PDE10A: variants seen among roughly 807,000 people sequenced by gnomAD.
PDE10A encodes cAMP and cAMP-inhibited cGMP 3',5'-cyclic phosphodiesterase 10A.
Under a neutral mutation model 97.7 loss-of-function variants are expected in PDE10A, and 39 were observed. That is an observed-to-expected ratio of 0.40 (90% confidence interval 0.31 to 0.52). PDE10A has a LOEUF of 0.52. PDE10A is among the 20% of genes least tolerant of loss of function. The pLI is 0.56. For missense variants in PDE10A, 731 were observed against 1,047.8 expected (o/e 0.70, Z 4.17); for synonymous variants, 371 against 376.8 (o/e 0.98, Z 0.18).
chr6:165,714,692 T>C (rs1791983088), intron 1 of PDE10A, among the ~76,000 whole-genome samples: 1 of 152,046 alleles, frequency 6.6e-6, no homozygotes, highest in Non-Finnish European at 1.5e-5. Context: ...AGGAACCAAA[T>C]TGCAAAGAAG....
intron 6 of PDE10A, among the ~76,000 whole-genome samples, chr6:165,434,038 AG>A (rs1350427953): frequency 0.12 from 15,178 of 127,568 alleles, 1,578 homozygotes; most frequent in Non-Finnish European, 0.15. Context: ...AAAAAAAAAA[AG>A]AAGTAGTACA....
At chr6:165,381,168 A>G (rs1473116235) in intron 17 of PDE10A, among the ~76,000 whole-genome samples, 2 of 152,226 alleles carry the variant, frequency 1.3e-5, no homozygotes, top group Admixed American at 1.3e-4. Flanking sequence ...TAGGCTCTGT[A>G]AATTCTGTAG....
At chr6:165,910,012 A>G (rs1001983028) in intron 1 of PDE10A, among the ~76,000 whole-genome samples, 2 of 152,284 alleles carry the variant, frequency 1.3e-5, no homozygotes, top group African/African-American at 2.4e-5. Context: ...AAATGGATAT[A>G]TCTTGTTTAT....
intron 1 of PDE10A, among the ~76,000 whole-genome samples, chr6:165,642,370 G>A (rs1342514012): frequency 6.6e-6 from 1 of 152,182 alleles, no homozygotes; most frequent in African/African-American, 2.4e-5. Context: ...ACGTCCATCT[G>A]TGCACCACCC....
intron 1 of PDE10A, among the ~76,000 whole-genome samples, chr6:165,765,324 T>C (rs1181311566): frequency 1.3e-5 from 2 of 152,200 alleles, no homozygotes; most frequent in South Asian, 2.1e-4. Flanking sequence ...GACTGGGCGC[T>C]GTAGAGCAGG....
intron 1 of PDE10A, among the ~76,000 whole-genome samples, chr6:165,804,535 C>T (rs1007304722): frequency 2.6e-5 from 4 of 152,204 alleles, no homozygotes; most frequent in Admixed American, 6.5e-5. Flanking sequence ...ACCACAGAAA[C>T]GAGGCCAGGA....
intron 1 of PDE10A, among the ~76,000 whole-genome samples, chr6:165,789,634 A>G (rs1359848427): frequency 6.6e-6 from 1 of 152,248 alleles, no homozygotes; most frequent in African/African-American, 2.4e-5. Flanking sequence ...ATGTCAATCC[A>G]GCAACATCCA....
intron 1 of PDE10A, among the ~76,000 whole-genome samples, chr6:165,586,214 T>G (rs537032357): frequency 2.3e-4 from 35 of 152,302 alleles, no homozygotes; most frequent in African/African-American, 8.4e-4. Context: ...TCCTCTCACC[T>G]TAGCTCAAGT....
chr6:165,365,872 G>A (rs751320865), intron 18 of PDE10A, among the ~76,000 whole-genome samples: 4 of 152,056 alleles, frequency 2.6e-5, no homozygotes, highest in Non-Finnish European at 5.9e-5. Context: ...ATAGCTTCTA[G>A]CAAATTATAA....
At chr6:165,735,311 T>C (rs1484807676) in intron 1 of PDE10A, among the ~76,000 whole-genome samples, 1 of 149,778 alleles carries the variant, frequency 6.7e-6, no homozygotes, top group South Asian at 2.1e-4. Context: ...GGTAGATAGA[T>C]AGGTAGGTTG....
intron 10 of PDE10A, among the ~76,000 whole-genome samples, chr6:165,423,821 GCCT>G (rs1389271462): frequency 6.7e-6 from 1 of 150,344 alleles, no homozygotes; most frequent in East Asian, 2.0e-4. Context: ...CTGTACTCCA[GCCT>G]CCTGACAGAG....
At chr6:165,677,112 T>C (rs1160269117) in intron 1 of PDE10A, among the ~76,000 whole-genome samples, 1 of 152,252 alleles carries the variant, frequency 6.6e-6, no homozygotes, top group Non-Finnish European at 1.5e-5. Flanking sequence ...TAGATGTTGC[T>C]GTGAAGGCAT....
At chr6:165,721,651 C>T (rs1792170131) in intron 1 of PDE10A, among the ~76,000 whole-genome samples, 1 of 152,180 alleles carries the variant, frequency 6.6e-6, no homozygotes, top group African/African-American at 2.4e-5. Flanking sequence ...GAAGGATATT[C>T]GATTTCCCCT....
At chr6:165,476,050 T>G (rs544917433) in intron 3 of PDE10A, among the ~76,000 whole-genome samples, 4 of 151,530 alleles carry the variant, frequency 2.6e-5, no homozygotes, top group African/African-American at 9.7e-5. Context: ...TTTACATGAA[T>G]AGTAAACAGA....
At chr6:165,968,377 C>T (rs376753030) in intron 1 of PDE10A, among the ~76,000 whole-genome samples, 2 of 152,208 alleles carry the variant, frequency 1.3e-5, no homozygotes, top group African/African-American at 4.8e-5. Context: ...ACAAGCAGCT[C>T]GCCTTAGTAC....
chr6:165,336,578 T>C (rs924695932), intron 20 of PDE10A, among the ~76,000 whole-genome samples: 5 of 150,528 alleles, frequency 3.3e-5, no homozygotes, highest in Admixed American at 1.3e-4. Context: ...TGAAACCCCG[T>C]CTCTACTAAA....
chr6:165,424,409 A>G lies in PDE10A; in HGVS notation c.1653+4249T>C, dbSNP rs528893527. ...ATAGGAATATAACAGATTCCCAAGA[A>G]ACATTATAAAAGAAAAGGGTGAATG... On this transcript the variant is annotated intron_variant, in intron 10 of 21. Coordinates refer to ENST00000539869, the MANE Select transcript of PDE10A (RefSeq NM_001385079.1). 4.6e-5 allele frequency among the ~76,000 whole-genome samples: 7 copies of G among 152,320 alleles called. No homozygotes were observed. The South Asian group carries it at 1.5e-3, about 32-fold the overall frequency.
At chr6:165,465,557 G>T (rs1778590020) in intron 3 of PDE10A, among the ~76,000 whole-genome samples, 1 of 152,160 alleles carries the variant, frequency 6.6e-6, no homozygotes, top group African/African-American at 2.4e-5. Flanking sequence ...CCCAAGACTA[G>T]CTAATTTATA....
At chr6:165,519,751 C>T (rs1011059934) in intron 2 of PDE10A, among the ~76,000 whole-genome samples, 2 of 152,120 alleles carry the variant, frequency 1.3e-5, no homozygotes, top group African/African-American at 2.4e-5. Context: ...TATGATAACA[C>T]GTGTGACTGT....
Sources: allele counts gnomAD v4.1 joint callset (sites outside exome capture counted in the v4.1 genomes callset), GRCh38; gene constraint gnomAD v4.1.1; transcripts MANE v1.5; gene names NCBI Gene and HGNC (gene_info 2026-07-23, HGNC 2026-07-21).